STAT1: variants seen among roughly 807,000 people sequenced by gnomAD.
STAT1 encodes signal transducer and activator of transcription 1-alpha/beta.
Under a neutral mutation model 111.7 loss-of-function variants are expected in STAT1, and 24 were observed. That is an observed-to-expected ratio of 0.21 (90% confidence interval 0.16 to 0.30). The LOEUF (loss-of-function observed/expected upper bound fraction) is 0.30, where lower values mean the gene tolerates loss of function less well. Ranked by LOEUF, STAT1 falls within the 10% of genes least tolerant of loss-of-function variation. The probability of loss-of-function intolerance (pLI) is 1.00; values close to 1 mark genes in which losing one functional copy is unlikely to be tolerated. For synonymous variants in STAT1, 332 were observed against 326.5 expected (o/e 1.02, Z -0.18); for missense variants, 351 against 911.9 (o/e 0.38, Z 7.92).
At chr2:191,002,675 T>C (rs1694363036) in intron 5 of STAT1, among the ~76,000 whole-genome samples, 1 of 152,186 alleles carries the variant, frequency 6.6e-6, no homozygotes, top group African/African-American at 2.4e-5. Context: ...CATTGGCCAA[T>C]ACCACCAATA....
Position 190,976,713 on chromosome 2 carries a change from G to T in STAT1, c.2059+127C>A. On this transcript the variant is annotated intron_variant, in intron 22 of 24. Coordinates refer to ENST00000361099, the MANE Select transcript of STAT1 (RefSeq NM_007315.4). The surrounding 1 kb of genome is among the most constrained non-coding windows in gnomAD (Gnocchi z 6.0). ...TATGTTTCACCTGCACTGAGTTTAT[G>T]CCATCTTTTGAAAGCCTACTCTTAC... 1 of 795,004 alleles carries T rather than the reference G, an allele frequency of 1.3e-6. No homozygotes were observed. The highest frequency in any genetic ancestry group is 2.2e-6 in the Non-Finnish European group (1 of 458,742). The allele number at this position is 795,004 out of a possible 1,614,324, so 49.2% of individuals were successfully genotyped here.
intron 15 of STAT1, among the ~76,000 whole-genome samples, chr2:190,985,101 A>G (rs45594836): frequency 3.0e-4 from 46 of 152,338 alleles, no homozygotes; most frequent in Non-Finnish European, 6.0e-4. Context: ...ACAACTCCAG[A>G]TATTTCATCC....
At position 190,986,058 on chromosome 2, in the gene STAT1, T is replaced by A. The variant is rs1692788894; in HGVS notation, c.1222-398A>T. ...AGGTCCACCTGCCCTCAAGTGGACG[T>A]CAATCTCTGAGCTGTCAATCCCTGA... On this transcript the variant is annotated intron_variant, in intron 14 of 24. Transcript: ENST00000361099. This position sits in a 1 kb window ranked among gnomAD's most constrained non-coding sequence, Gnocchi z 5.0. Among the ~76,000 whole-genome samples the A allele has an allele frequency of 6.6e-6, 1 of 152,140 alleles. No homozygotes were observed. Among genetic ancestry groups the A allele is most frequent in the African/African-American group, 2.4e-5 (1 of 41,428 alleles).
rs2125035188 is a variant in STAT1 at position 190,986,938 on chromosome 2, C to T, written c.1137G>A (p.Lys379=). The part of the protein sequence containing the change: ...NERNTVKGFR[K]FNILGTHTKV... ...TTGTGTGCGTGCCCAAAATGTTGAA[C>T]TTCCTAAATCTATACAATATAGGAA... The change falls in exon 14 of 25, where the codon AAG becomes AAA. Residue 379 remains lysine (K), a synonymous_variant. Transcript: ENST00000361099. The surrounding 1 kb of genome is among the most constrained non-coding windows in gnomAD (Gnocchi z 5.0). 1.9e-6 allele frequency: 3 copies of T among 1,614,150 alleles called. No homozygotes were observed. The highest frequency in any genetic ancestry group is 2.5e-6 in the Non-Finnish European group (3 of 1,179,990).
At position 190,980,154 on chromosome 2, in the gene STAT1, C is replaced by T. The variant is rs746713652; in HGVS notation, c.1633-288G>A. On this transcript the variant is annotated intron_variant, in intron 19 of 24. Transcript: ENST00000361099. This position sits in a 1 kb window ranked among gnomAD's most constrained non-coding sequence, Gnocchi z 6.1. ...TGGGGGTGACCTCCAGCGTGACTCA[C>T]GGAAACACAAGCTGCCCCACACTAG... Among the ~76,000 whole-genome samples, 5 of 152,218 alleles carry T rather than the reference C, an allele frequency of 3.3e-5. No homozygotes were observed. Among genetic ancestry groups the T allele is most frequent in the Admixed American group, 6.5e-5 (1 of 15,286 alleles).
chr2:190,975,486 A>T lies in STAT1; in HGVS notation c.2135+326T>A, dbSNP rs550530947. The T allele has an allele frequency of 1.9e-6, 2 of 1,044,406 alleles. No individual in the cohort carries two copies. Among genetic ancestry groups the T allele is most frequent in the African/African-American group, 3.2e-5 (2 of 61,602 alleles). 64.7% of individuals were successfully genotyped at this position (1,044,406 alleles called of 1,614,324 possible). On this transcript the variant is annotated intron_variant, in intron 23 of 24. Coordinates refer to ENST00000361099, the MANE Select transcript of STAT1 (RefSeq NM_007315.4). This position sits in a 1 kb window ranked among gnomAD's most constrained non-coding sequence, Gnocchi z 5.9. ...AAAGCAAGTGGAGACAGTGTATCTC[A>T]ATCATTACTTTGGCCTTTTCTAGAT... is the stretch of plus-strand genomic sequence containing the variant.
intron 10 of STAT1, among the ~76,000 whole-genome samples, chr2:190,994,748 C>T (rs1435216198): frequency 6.6e-6 from 1 of 151,548 alleles, no homozygotes; most frequent in South Asian, 2.1e-4. Flanking sequence ...TGGCGAAACC[C>T]AGTCTCTACT....
In STAT1 at chr2:190,986,372, G is replaced by C. The variant is rs950465185; in HGVS notation, c.1221+482C>G. ...GCATCCTGCTGGGTCTCCACTGCCT[G>C]GGGAATGAGCCCTACTGCCCTGGAG... On this transcript the variant is annotated intron_variant, in intron 14 of 24. Coordinates refer to ENST00000361099, the MANE Select transcript of STAT1 (RefSeq NM_007315.4). The surrounding 1 kb of genome is among the most constrained non-coding windows in gnomAD (Gnocchi z 5.0). Among the ~76,000 whole-genome samples, 8 of 152,160 alleles carry C rather than the reference G, an allele frequency of 5.3e-5. No homozygotes were observed. The highest frequency in any genetic ancestry group is 1.2e-4 in the African/African-American group (5 of 41,438).
intron 2 of STAT1, among the ~76,000 whole-genome samples, chr2:191,013,198 C>A (rs1372041556): frequency 6.6e-6 from 1 of 152,208 alleles, no homozygotes; most frequent in East Asian, 1.9e-4. Flanking sequence ...AAGTGTGAGT[C>A]CAGCATCCTC....
At position 190,987,567 on chromosome 2, in the gene STAT1, C is replaced by T. The variant is rs146978933; in HGVS notation, c.1098-499G>A. 1.3e-3 allele frequency among the ~76,000 whole-genome samples: 194 copies of T among 152,284 alleles called. No individual in the cohort carries two copies. Among genetic ancestry groups the T allele is most frequent in the African/African-American group, 4.5e-3 (188 of 41,560 alleles). Reference sequence around the variant, plus strand: ...TGACCATTTAATTCTCATTTTTATTCTCTATGATCTTTAATGCTCTCATGA... The same window carrying T: ...TGACCATTTAATTCTCATTTTTATTTTCTATGATCTTTAATGCTCTCATGA... On this transcript the variant is annotated intron_variant, in intron 12 of 24. Transcript: ENST00000361099. This position sits in a 1 kb window ranked among gnomAD's most constrained non-coding sequence, Gnocchi z 4.0.
chr2:190,998,373 T>C lies in STAT1; in HGVS notation c.542-65A>G. 1 of 1,332,368 alleles carries C rather than the reference T, an allele frequency of 7.5e-7. No homozygotes were observed. The highest frequency in any genetic ancestry group is 1.1e-6 in the Non-Finnish European group (1 of 928,920). The allele number at this position is 1,332,368 out of a possible 1,614,324, so 82.5% of individuals were successfully genotyped here. A position where few individuals can be genotyped will look rare whatever the true frequency, so the allele number is the denominator to read the frequency against. On this transcript the variant is annotated intron_variant, in intron 7 of 24. Coordinates refer to ENST00000361099, the MANE Select transcript of STAT1 (RefSeq NM_007315.4). The surrounding 1 kb of genome is among the most constrained non-coding windows in gnomAD (Gnocchi z 4.1). ...CAAAACCAACAAAAGCCAAGATTCATATAAATTTAGGATAAATATGACACA... is the reference window on the plus strand; with the variant it reads ...CAAAACCAACAAAAGCCAAGATTCACATAAATTTAGGATAAATATGACACA...
At position 190,970,560 on chromosome 2, in the gene STAT1, C is replaced by G; in HGVS notation, c.*143G>C. 2 of 869,340 alleles carry G rather than the reference C, an allele frequency of 2.3e-6. No individual in the cohort carries two copies. Among genetic ancestry groups the G allele is most frequent in the South Asian group, 2.8e-5 (2 of 72,158 alleles). 53.9% of individuals were successfully genotyped at this position (869,340 alleles called of 1,614,324 possible). A position where few individuals can be genotyped will look rare whatever the true frequency, so the allele number is the denominator to read the frequency against. On this transcript the variant is annotated 3_prime_UTR_variant, in exon 25 of 25. Coordinates refer to ENST00000361099, the MANE Select transcript of STAT1 (RefSeq NM_007315.4). The surrounding 1 kb of genome is among the most constrained non-coding windows in gnomAD (Gnocchi z 5.4). ...TGTTTCTGAGTTAGAGAAAAATTCA[C>G]TTGCTATCAACAGGTTGCAGCGAAT...
chr2:190,976,707 GT>G lies in STAT1; in HGVS notation c.2059+132del, dbSNP rs1691931101. The stretch of plus-strand genomic sequence containing the variant: ...ATGCATTATGTTTCACCTGCACTGA[GT>G]TTATGCCATCTTTTGAAAGCCTACT... On this transcript the variant is annotated intron_variant, in intron 22 of 24. Transcript: ENST00000361099. This position sits in a 1 kb window ranked among gnomAD's most constrained non-coding sequence, Gnocchi z 6.0. 1.3e-6 allele frequency: 1 copy of G among 772,514 alleles called. No individual in the cohort carries two copies. Among genetic ancestry groups the G allele is most frequent in the Non-Finnish European group, 2.3e-6 (1 of 440,866 alleles). The allele number at this position is 772,514 out of a possible 1,614,324, so 47.9% of individuals were successfully genotyped here.
At chr2:190,994,470 G>A (rs768898490) in intron 10 of STAT1, among the ~76,000 whole-genome samples, 68 of 152,130 alleles carry the variant, frequency 4.5e-4, no homozygotes, top group Non-Finnish European at 7.1e-4. Context: ...TGAGACATGA[G>A]GAGGGGAGAG....
chr2:190,995,509 G>A lies in STAT1; in HGVS notation c.786-290C>T, dbSNP rs1258449827. 6.6e-6 allele frequency among the ~76,000 whole-genome samples: 1 copy of A among 152,176 alleles called. No homozygotes were observed. The highest frequency in any genetic ancestry group is 1.5e-5 in the Non-Finnish European group (1 of 68,034). On this transcript the variant is annotated intron_variant, in intron 9 of 24. Transcript: ENST00000361099. The surrounding 1 kb of genome is among the most constrained non-coding windows in gnomAD (Gnocchi z 4.2). ...CTTATAAAACCATCAGATCTCGTGA[G>A]ACTTACTCACTACCATGAGAACAGT...
chr2:191,002,899 A>G (rs1409911043), intron 5 of STAT1, among the ~76,000 whole-genome samples: 1 of 152,180 alleles, frequency 6.6e-6, no homozygotes, highest in African/African-American at 2.4e-5. Context: ...AAGGAAGTAA[A>G]TGCTTTTTTC....
Position 190,970,307 on chromosome 2 carries a change from T to C in STAT1, c.*396A>G, listed in dbSNP as rs1401221651. Reference sequence around the variant, plus strand: ...AATTTACCGTTCCTACGTCAAGCAGTTCCCTAAATAACCACTGATTTATCC... The same window carrying C: ...AATTTACCGTTCCTACGTCAAGCAGCTCCCTAAATAACCACTGATTTATCC... On this transcript the variant is annotated 3_prime_UTR_variant, in exon 25 of 25. Transcript: ENST00000361099. The surrounding 1 kb of genome is among the most constrained non-coding windows in gnomAD (Gnocchi z 5.4). The C allele has an allele frequency of 3.7e-6, 1 of 271,862 alleles. No individual in the cohort carries two copies. The highest frequency in any genetic ancestry group is 7.2e-6 in the Non-Finnish European group (1 of 138,246). The allele number at this position is 271,862 out of a possible 1,614,324, so 16.8% of individuals were successfully genotyped here. A position where few individuals can be genotyped will look rare whatever the true frequency, so the allele number is the denominator to read the frequency against.
chr2:190,999,315 G>A lies in STAT1; in HGVS notation c.541+311C>T, dbSNP rs1369376596. The stretch of plus-strand genomic sequence containing the variant: ...ATCAAGTAGGGGTCACTGACCCCTA[G>A]GGGACTTTTGGCAATCTCTGGAGAC... On this transcript the variant is annotated intron_variant, in intron 7 of 24. Transcript: ENST00000361099. The surrounding 1 kb of genome is among the most constrained non-coding windows in gnomAD (Gnocchi z 4.1). Among the ~76,000 whole-genome samples, 2 of 152,106 alleles carry A rather than the reference G, an allele frequency of 1.3e-5. No homozygotes were observed. The highest frequency in any genetic ancestry group is 6.5e-5 in the Admixed American group (1 of 15,278).
Position 191,011,851 on chromosome 2 carries a change from G to A in STAT1, c.-2+1674C>T, listed in dbSNP as rs534321532. ...TTCACTTTATAAATTACCTAGTCTC[G>A]GGCAGTTCTTTATAGCAGCATGAGA... On this transcript the variant is annotated intron_variant, in intron 2 of 24. Transcript: ENST00000361099. Among the ~76,000 whole-genome samples, 163 of 152,048 alleles carry A rather than the reference G, an allele frequency of 1.1e-3. 5 individuals carry two copies. In the South Asian group the frequency reaches 0.028, roughly 26 times the overall value.
Sources: gnomAD v4.1 joint callset for allele counts (sites outside exome capture counted in the v4.1 genomes callset) on GRCh38, gnomAD v4.1.1 for gene constraint, Gnocchi (gnomAD v3.1) non-coding constraint, MANE v1.5 for transcripts, NCBI Gene and HGNC (gene_info 2026-07-23, HGNC 2026-07-21) for gene names.